Variants in MLANA observed in about 807,000 individuals in gnomAD.
MLANA encodes the protein melan-A.
Under a neutral mutation model 15.7 loss-of-function variants are expected in MLANA, and 21 were observed. The observed-to-expected ratio is 1.33, with a 90% CI of 0.95 to 1.92. MLANA has a LOEUF of 1.92. Ranked by LOEUF, MLANA falls within the 40% of genes most tolerant of loss-of-function variation. MLANA has a pLI of 0.00. For missense variants in MLANA, 164 were observed against 143.8 expected, an observed-to-expected ratio of 1.14 and a Z score of -0.72; for synonymous variants, 56 against 51.5, an observed-to-expected ratio of 1.09 and a Z score of -0.37.
Position 5,909,000 on chromosome 9 carries a change from A to G in MLANA, c.*292A>G, listed in dbSNP as rs1832995930. 5.4e-6 allele frequency: 2 copies of G among 368,938 alleles called. No individual in the cohort carries two copies. The highest frequency in any genetic ancestry group is 9.9e-6 in the Non-Finnish European group (2 of 202,738). The allele number at this position is 368,938 out of a possible 1,614,324, so 22.9% of individuals were successfully genotyped here. The stretch of plus-strand genomic sequence containing the variant: ...CATGGTGTTATTTTCTGAGAGACAG[A>G]ATTCAAGTGGGTATTCTGGGGCCAT... On this transcript the variant is annotated 3_prime_UTR_variant, in exon 5 of 5. Transcript: ENST00000381477.
chr9:5,899,738 G>A (rs1393594322), intron 3 of MLANA, among the ~76,000 whole-genome samples: 3 of 152,082 alleles, frequency 2.0e-5, no homozygotes, highest in East Asian at 1.9e-4. Context: ...CGACCCCTCC[G>A]CTTTCCCCTA....
intron 3 of MLANA, among the ~76,000 whole-genome samples, chr9:5,898,704 G>C (rs748376246): frequency 1.2e-4 from 19 of 152,116 alleles, no homozygotes; most frequent in Non-Finnish European, 2.2e-4. Flanking sequence ...ATTCTTGCTG[G>C]TTCTGTTACT....
chr9:5,893,924 C>T (rs951734420), intron 2 of MLANA, among the ~76,000 whole-genome samples: 4 of 132,556 alleles, frequency 3.0e-5, no homozygotes, highest in Non-Finnish European at 4.7e-5. Flanking sequence ...CGCCCCGTGG[C>T]ACCCACCCTG....
At chr9:5,895,384 T>C (rs1415624330) in intron 2 of MLANA, among the ~76,000 whole-genome samples, 1 of 142,694 alleles carries the variant, frequency 7.0e-6, no homozygotes, top group Non-Finnish European at 1.5e-5. Flanking sequence ...GGCCATCTTC[T>C]TTTTTTTTTT....
intron 4 of MLANA, 141 bp from the exon 5 acceptor site, chr9:5,908,499 C>A (rs1399589121): frequency 1.4e-6 from 1 of 734,562 alleles, no homozygotes; most frequent in Non-Finnish European, 2.3e-6. Context: ...AATTACTTCA[C>A]TGGGCAGAAA....
Position 5,892,496 on chromosome 9 carries a change from T to A in MLANA, c.22T>A (p.Phe8Ile). 1 of 1,613,780 alleles carries A rather than the reference T, an allele frequency of 6.2e-7. No individual in the cohort carries two copies. The highest frequency in any genetic ancestry group is 1.1e-5 in the South Asian group (1 of 91,006). Reference protein sequence around the residue: MPREDAHFIYGYPKKGHG... With the variant: MPREDAHIIYGYPKKGHG... ...CAAGATGCCAAGAGAAGATGCTCAC[T>A]TCATCTATGGTTACCCCAAGAAGGG... Residue 8 changes from phenylalanine (F) to isoleucine (I), a missense_variant, in exon 2 of 5, where the codon TTC (phenylalanine) becomes ATC (isoleucine). Physicochemically the swap from Phe to Ile is conservative, Grantham distance 21. Transcript: ENST00000381477.
chr9:5,897,896 A>G (rs1372902807), intron 3 of MLANA, among the ~76,000 whole-genome samples: 1 of 152,322 alleles, frequency 6.6e-6, no homozygotes, highest in South Asian at 2.1e-4. Context: ...AATACGAGAG[A>G]CTGTAATTTA....
chr9:5,892,980 C>T (rs1247768411), intron 2 of MLANA, among the ~76,000 whole-genome samples: 1 of 152,164 alleles, frequency 6.6e-6, no homozygotes, highest in Non-Finnish European at 1.5e-5. Context: ...GTGTGTGACT[C>T]AGCCCACAGC....
At chr9:5,905,848 T>C (rs1448619649) in intron 3 of MLANA, among the ~76,000 whole-genome samples, 3 of 152,216 alleles carry the variant, frequency 2.0e-5, no homozygotes, top group Non-Finnish European at 4.4e-5. Context: ...TCTCAGGACC[T>C]CTTGAGACTA....
At chr9:5,893,531 T>C (rs775314259) in intron 2 of MLANA, among the ~76,000 whole-genome samples, 1 of 152,176 alleles carries the variant, frequency 6.6e-6, no homozygotes, top group Non-Finnish European at 1.5e-5. Flanking sequence ...GATCCTCTAA[T>C]ATCCCTGGCC....
chr9:5,896,424 C>G (rs1320660091), intron 2 of MLANA, among the ~76,000 whole-genome samples: 1 of 152,134 alleles, frequency 6.6e-6, no homozygotes, highest in Admixed American at 6.5e-5. Flanking sequence ...ACTGTCATCC[C>G]ATGGTTCGCT....
Position 5,908,814 on chromosome 9 carries a change from G to T in MLANA, c.*106G>T. 1 of 1,061,552 alleles carries T rather than the reference G, an allele frequency of 9.4e-7. No homozygotes were observed. The highest frequency in any genetic ancestry group is 1.4e-6 in the Non-Finnish European group (1 of 699,572). The allele number at this position is 1,061,552 out of a possible 1,614,324, so 65.8% of individuals were successfully genotyped here. A position where few individuals can be genotyped will look rare whatever the true frequency, so the allele number is the denominator to read the frequency against. The stretch of plus-strand genomic sequence containing the variant: ...TCCTTTGGAATGGTGTAGGAAAAAT[G>T]CAAGCCATCTCTAATAATAAGTCAG... On this transcript the variant is annotated 3_prime_UTR_variant, in exon 5 of 5. Coordinates refer to ENST00000381477, the MANE Select transcript of MLANA (RefSeq NM_005511.2).
Position 5,897,602 on chromosome 9 carries a change from G to A in MLANA, c.123G>A (p.Leu41=), listed in dbSNP as rs1482395100. ...TGACAGTGATCCTGGGAGTCTTACT[G>A]CTCATCGGCTGTTGGTATTGTAGAA... ...GILTVILGVL[L]LIGCWYCRRR... The change falls in exon 3 of 5, where the codon CTG becomes CTA. Residue 41 remains leucine (L), a synonymous_variant. Coordinates refer to ENST00000381477, the MANE Select transcript of MLANA (RefSeq NM_005511.2). 1.9e-6 allele frequency: 3 copies of A among 1,614,136 alleles called. No homozygotes were observed. The highest frequency in any genetic ancestry group is 3.3e-5 in the Admixed American group (2 of 60,030).
At chr9:5,891,788 C>T (rs371051152) in intron 1 of MLANA, among the ~76,000 whole-genome samples, 2 of 152,308 alleles carry the variant, frequency 1.3e-5, no homozygotes, top group African/African-American at 4.8e-5. Context: ...AAGGGAAACA[C>T]ATTGTTAGAT....
chr9:5,892,064 G>T (rs1305507177), intron 1 of MLANA, among the ~76,000 whole-genome samples: 1 of 152,220 alleles, frequency 6.6e-6, no homozygotes, highest in African/African-American at 2.4e-5. Flanking sequence ...GTTAGCCACA[G>T]CCCTGGGCCA....
At chr9:5,906,587 C>A (rs1304985887) in intron 3 of MLANA, among the ~76,000 whole-genome samples, 1 of 152,212 alleles carries the variant, frequency 6.6e-6, no homozygotes, top group Non-Finnish European at 1.5e-5. Context: ...TTTGTAGATT[C>A]ACTCTTCTTA....
At chr9:5,904,804 C>T (rs1445649751) in intron 3 of MLANA, among the ~76,000 whole-genome samples, 4 of 148,838 alleles carry the variant, frequency 2.7e-5, no homozygotes, top group Non-Finnish European at 4.5e-5. Context: ...GACGGAGTCT[C>T]ACTCCGTTGC....
At chr9:5,892,703 T>C in intron 2 of MLANA, 152 bp downstream of exon 2, 2 of 631,672 alleles carry the variant, frequency 3.2e-6, no homozygotes, top group Non-Finnish European at 5.2e-6. Flanking sequence ...GGAGATTCTG[T>C]GCTTCTATAA....
chr9:5,895,694 G>C (rs1482867890), intron 2 of MLANA, among the ~76,000 whole-genome samples: 1 of 152,196 alleles, frequency 6.6e-6, no homozygotes, highest in African/African-American at 2.4e-5. Flanking sequence ...GAGGCTGATT[G>C]GGTAGGCCAG....
Sources: allele counts gnomAD v4.1 joint callset (sites outside exome capture counted in the v4.1 genomes callset), GRCh38; gene constraint gnomAD v4.1.1; transcripts MANE v1.5; gene names NCBI Gene and HGNC (gene_info 2026-07-23, HGNC 2026-07-21).